Variants in PTPRT observed in about 807,000 individuals in gnomAD.
PTPRT encodes protein tyrosine phosphatase receptor type T, also known as receptor-type tyrosine-protein phosphatase T.
PTPRT carries 56 observed loss-of-function variants against 176.8 expected under a neutral mutation model. The ratio of observed to expected loss-of-function variants is 0.32; its 90% confidence interval spans 0.26 to 0.40. The LOEUF (loss-of-function observed/expected upper bound fraction) is 0.40, where lower values mean the gene tolerates loss of function less well. Ranked by LOEUF, PTPRT falls within the 10% of genes least tolerant of loss-of-function variation. PTPRT has a pLI of 1.00. For synonymous variants in PTPRT, 783 were observed against 739.0 expected, an observed-to-expected ratio of 1.06 and a Z score of -0.96; for missense variants, 1,540 against 1,908.2, an observed-to-expected ratio of 0.81 and a Z score of 3.60.
intron 16 of PTPRT, among the ~76,000 whole-genome samples, chr20:42,176,805 G>A (rs1435296257): frequency 2.0e-5 from 3 of 152,212 alleles, no homozygotes; most frequent in African/African-American, 7.2e-5. Context: ...GCAAGAAAGA[G>A]AAAATGAAAT....
At chr20:42,306,022 C>T (rs1256175463) in intron 12 of PTPRT, among the ~76,000 whole-genome samples, 1 of 152,120 alleles carries the variant, frequency 6.6e-6, no homozygotes, top group African/African-American at 2.4e-5. Context: ...TCCCTGAAGG[C>T]CCAGGCTGAC....
chr20:42,545,923 G>A (rs754394637), intron 7 of PTPRT, among the ~76,000 whole-genome samples: 4 of 152,086 alleles, frequency 2.6e-5, no homozygotes, highest in African/African-American at 4.8e-5. Context: ...TTATATCTCA[G>A]ATAGACATTT....
chr20:42,754,386 A>G (rs967594372), intron 6 of PTPRT, among the ~76,000 whole-genome samples: 1 of 151,044 alleles, frequency 6.6e-6, no homozygotes, highest in African/African-American at 2.4e-5. Flanking sequence ...GGGTTTCACC[A>G]TGTTGGCCAG....
chr20:42,233,706 A>G (rs2056181966), intron 15 of PTPRT, among the ~76,000 whole-genome samples: 1 of 152,128 alleles, frequency 6.6e-6, no homozygotes, highest in South Asian at 2.1e-4. Flanking sequence ...AAGGCAGGCT[A>G]TTTGCAGTGG....
intron 7 of PTPRT, among the ~76,000 whole-genome samples, chr20:42,601,122 T>C (rs940250690): frequency 1.3e-5 from 2 of 152,204 alleles, no homozygotes; most frequent in African/African-American, 4.8e-5. Flanking sequence ...TATGTACTAG[T>C]GAGTGGTAGC....
chr20:42,622,585 A>G (rs1006375431), intron 7 of PTPRT, among the ~76,000 whole-genome samples: 7 of 151,916 alleles, frequency 4.6e-5, no homozygotes, highest in East Asian at 1.9e-4. Context: ...TATACTTCCC[A>G]CAATCCACTC....
At chr20:42,824,323 T>C (rs1054209014) in intron 2 of PTPRT, among the ~76,000 whole-genome samples, 17 of 150,742 alleles carry the variant, frequency 1.1e-4, no homozygotes, top group African/African-American at 2.2e-4. Context: ...TTTGTTTTGT[T>C]TTTTTTCATA....
At chr20:43,017,074 C>CA (rs895128787) in intron 1 of PTPRT, among the ~76,000 whole-genome samples, 20 of 151,512 alleles carry the variant, frequency 1.3e-4, no homozygotes, top group Non-Finnish European at 1.6e-4. Flanking sequence ...AAAATTAATG[C>CA]AAAAAAAATC....
intron 6 of PTPRT, among the ~76,000 whole-genome samples, chr20:42,709,908 C>T (rs1009790174): frequency 1.3e-5 from 2 of 152,120 alleles, no homozygotes; most frequent in African/African-American, 4.8e-5. Context: ...TCATGTTACA[C>T]CCTAGCAAAA....
chr20:42,877,578 G>A (rs1441547980), intron 2 of PTPRT, among the ~76,000 whole-genome samples: 2 of 152,148 alleles, frequency 1.3e-5, no homozygotes, highest in African/African-American at 2.4e-5. Context: ...TGCTGGGGTC[G>A]CATCATGAGA....
At chr20:42,566,594 TC>T (rs2073044146) in intron 7 of PTPRT, among the ~76,000 whole-genome samples, 1 of 152,164 alleles carries the variant, frequency 6.6e-6, no homozygotes, top group African/African-American at 2.4e-5. Context: ...GCACATTCTC[TC>T]TTTCAGCTTG....
chr20:42,422,893 A>T (rs2059131569), intron 9 of PTPRT, among the ~76,000 whole-genome samples: 2 of 152,348 alleles, frequency 1.3e-5, no homozygotes, highest in East Asian at 3.9e-4. Flanking sequence ...TGTTCTTTGT[A>T]GGAACACAGA....
intron 7 of PTPRT, among the ~76,000 whole-genome samples, chr20:42,528,812 T>C (rs2072325225): frequency 6.6e-6 from 1 of 152,230 alleles, no homozygotes; most frequent in Admixed American, 6.5e-5. Flanking sequence ...TAATCTTAGA[T>C]ATCTCTATCT....
intron 1 of PTPRT, among the ~76,000 whole-genome samples, chr20:42,958,958 C>T (rs1296973978): frequency 2.0e-5 from 3 of 152,172 alleles, no homozygotes; most frequent in Admixed American, 1.3e-4. Flanking sequence ...CCTCTGAATT[C>T]GCTTAGTATT....
intron 1 of PTPRT, among the ~76,000 whole-genome samples, chr20:42,938,409 A>G (rs933406725): frequency 1.4e-4 from 22 of 152,186 alleles, no homozygotes; most frequent in African/African-American, 5.1e-4. Context: ...ATGGTTCTTT[A>G]TAACTCTTTG....
chr20:42,539,661 TA>T lies in PTPRT; in HGVS notation c.1154-67100del, dbSNP rs1032552874. The stretch of plus-strand genomic sequence containing the variant: ...ACTAAAAAAAAAACCCACATGCATT[TA>T]AAAAAAAAAACAAACTATTACTAAC... On this transcript the variant is annotated intron_variant, in intron 7 of 30. Coordinates refer to ENST00000373187, the MANE Select transcript of PTPRT (RefSeq NM_007050.6). 1.2e-3 allele frequency among the ~76,000 whole-genome samples: 177 copies of T among 142,292 alleles called. 1 individual carries two copies. Among genetic ancestry groups the T allele is most frequent in the African/African-American group, 3.5e-3 (135 of 38,846 alleles). 93.3% of individuals were successfully genotyped at this position (142,292 alleles called of 152,430 possible).
chr20:42,796,013 A>G (rs1344727298), intron 2 of PTPRT, among the ~76,000 whole-genome samples: 3 of 152,248 alleles, frequency 2.0e-5, no homozygotes, highest in Non-Finnish European at 4.4e-5. Context: ...AGCATTGTTT[A>G]GCACCCTAAT....
At chr20:43,182,498 C>G (rs1370175539) in intron 1 of PTPRT, among the ~76,000 whole-genome samples, 1 of 151,912 alleles carries the variant, frequency 6.6e-6, no homozygotes, top group African/African-American at 2.4e-5. Context: ...TCAAGCGATT[C>G]TCATCCCTCA....
chr20:42,982,003 G>T (rs1010934111), intron 1 of PTPRT, among the ~76,000 whole-genome samples: 1 of 152,288 alleles, frequency 6.6e-6, no homozygotes, highest in South Asian at 2.1e-4. Flanking sequence ...AGAAGACATA[G>T]GTGGGAAGAT....
Sources: allele counts gnomAD v4.1 joint callset (sites outside exome capture counted in the v4.1 genomes callset), GRCh38; gene constraint gnomAD v4.1.1; transcripts MANE v1.5; gene names NCBI Gene and HGNC (gene_info 2026-07-23, HGNC 2026-07-21).